SAG: variants seen among roughly 807,000 people sequenced by gnomAD.
SAG encodes S-arrestin.
In SAG, 45 loss-of-function variants were observed where a neutral mutation model predicts 55.0. The observed-to-expected ratio is 0.82, with a 90% CI of 0.64 to 1.05. SAG has a LOEUF of 1.05. Among genes scored for constraint, SAG ranks in the 50% least tolerant of loss-of-function variants. The pLI, the probability that SAG is intolerant of heterozygous loss-of-function variation, is 0.00. For synonymous variants in SAG, 189 were observed against 197.4 expected, an observed-to-expected ratio of 0.96 and a Z score of 0.36; for missense variants, 455 against 512.1, an observed-to-expected ratio of 0.89 and a Z score of 1.08.
At chr2:233,313,739 G>A (rs1204581186) in intron 2 of SAG, among the ~76,000 whole-genome samples, 1 of 66,654 alleles carries the variant, frequency 1.5e-5, no homozygotes, top group African/African-American at 6.0e-5. Context: ...TTTTTTTTTT[G>A]AGAGATGGCA....
chr2:233,334,097 AG>A (rs202064204), intron 10 of SAG: 3,927 of 152,502 alleles, frequency 0.026, 74 homozygotes, highest in Middle Eastern at 0.077. Context: ...GCTGTCAGAG[AG>A]TGTGCAGCCA....
chr2:233,344,277 T>C (rs1275770352), intron 14 of SAG: 1 of 152,202 alleles, frequency 6.6e-6, no homozygotes, highest in Non-Finnish European at 1.5e-5. Flanking sequence ...TTCAAGTGAT[T>C]CTCCTGTCTC....
chr2:233,320,861 C>T lies in SAG; in HGVS notation c.375+38C>T, dbSNP rs766385604. On this transcript the variant is annotated intron_variant, in intron 5 of 15. Coordinates refer to ENST00000409110, the MANE Select transcript of SAG (RefSeq NM_000541.5). ...TCCGGCCAGCCCTGCTTCCTTCACC[C>T]GCAGCACCTTATCATGTGGATGGGG... 3.8e-5 allele frequency: 57 copies of T among 1,515,228 alleles called. 1 individual carries two copies. Among genetic ancestry groups the T allele is most frequent in the African/African-American group, 8.3e-5 (6 of 72,182 alleles). 93.9% of individuals were successfully genotyped at this position (1,515,228 alleles called of 1,614,324 possible).
intron 12 of SAG, among the ~76,000 whole-genome samples, chr2:233,339,052 A>G (rs1280429220): frequency 6.6e-6 from 1 of 152,226 alleles, no homozygotes; most frequent in African/African-American, 2.4e-5. Flanking sequence ...AAGAATGAGG[A>G]TTAGTCAAAT....
chr2:233,314,066 T>C (rs377593746), intron 2 of SAG, among the ~76,000 whole-genome samples: 4 of 151,336 alleles, frequency 2.6e-5, no homozygotes, highest in East Asian at 3.9e-4. Context: ...CAAAAAAATA[T>C]AAAAAATTAG....
chr2:233,313,715 C>CTTTTTTTTTTTTTTTTTT (rs58355307), intron 2 of SAG, among the ~76,000 whole-genome samples: 1 of 78,950 alleles, frequency 1.3e-5, no homozygotes. Context: ...CCGGGCTAAT[C>CTTTTTTTTTTTTTTTTTT]TTTTTTTTTT....
At chr2:233,314,862 G>A (rs931458632) in intron 2 of SAG, among the ~76,000 whole-genome samples, 8 of 152,304 alleles carry the variant, frequency 5.3e-5, no homozygotes, top group African/African-American at 1.2e-4. Flanking sequence ...GATTTAGGCC[G>A]TTCCTGGAAT....
At chr2:233,318,988 C>G (rs1700296844) in intron 4 of SAG, 193 bp downstream of exon 4, 1 of 718,092 alleles carries the variant, frequency 1.4e-6, no homozygotes, top group South Asian at 1.5e-5. Flanking sequence ...CCTGTTGACA[C>G]CAGAGCTCAC....
chr2:233,343,907 C>A, intron 14 of SAG: 2 of 293,548 alleles, frequency 6.8e-6, no homozygotes, highest in Non-Finnish European at 1.0e-5. Context: ...TTTGTCTCAA[C>A]AGTACTTTGT....
intron 6 of SAG, among the ~76,000 whole-genome samples, chr2:233,324,115 G>A (rs1700473446): frequency 6.6e-6 from 1 of 152,154 alleles, no homozygotes; most frequent in African/African-American, 2.4e-5. Context: ...GAAAGGGGGA[G>A]GCCAAGTGCA....
chr2:233,328,626 C>T lies in SAG; in HGVS notation c.648+13C>T. ...TCTCAACAAAGAGGTAACCACCTAC[C>T]ATCGCTACTACCCGCAGGGCAGCAG... On this transcript the variant is annotated intron_variant, in intron 8 of 15. Transcript: ENST00000409110. 6.2e-7 allele frequency: 1 copy of T among 1,602,794 alleles called. No homozygotes were observed. The highest frequency in any genetic ancestry group is 8.5e-7 in the Non-Finnish European group (1 of 1,172,312).
intron 14 of SAG, 147 bp from the exon 15 acceptor site, chr2:233,346,256 G>A: frequency 7.6e-6 from 6 of 788,156 alleles, no homozygotes; most frequent in Non-Finnish European, 1.3e-5. Flanking sequence ...CAGTGATCAT[G>A]AACTGCATGT....
chr2:233,344,021 T>C (rs750498776), intron 14 of SAG: 1 of 153,864 alleles, frequency 6.5e-6, no homozygotes, highest in Non-Finnish European at 1.4e-5. Context: ...TTTCAGTTCA[T>C]TTATGCTTGT....
In SAG at chr2:233,319,499, T is replaced by G; in HGVS notation, c.181+704T>G. The G allele has an allele frequency of 2.6e-6, 2 of 766,500 alleles. No homozygotes were observed. Among genetic ancestry groups the G allele is most frequent in the Non-Finnish European group, 3.2e-6 (2 of 627,514 alleles). 47.5% of individuals were successfully genotyped at this position (766,500 alleles called of 1,614,324 possible). A position where few individuals can be genotyped will look rare whatever the true frequency, so the allele number is the denominator to read the frequency against. On this transcript the variant is annotated intron_variant, in intron 4 of 15. Transcript: ENST00000409110. The surrounding 1 kb of genome is among the most constrained non-coding windows in gnomAD (Gnocchi z 4.4). ...GACTCAGTTCCATTCTAAATATGCC[T>G]TTTTGAGTGTTGCTACTGGCAACAT...
At chr2:233,317,150 C>G (rs1700236051) in intron 3 of SAG, among the ~76,000 whole-genome samples, 1 of 152,238 alleles carries the variant, frequency 6.6e-6, no homozygotes, top group East Asian at 1.9e-4. Flanking sequence ...GCGTGAGCCA[C>G]TGCACCCAGC....
rs778018394 is a variant in SAG at position 233,331,603 on chromosome 2, C to T, written c.734-37C>T. On this transcript the variant is annotated intron_variant, in intron 9 of 15. Coordinates refer to ENST00000409110, the MANE Select transcript of SAG (RefSeq NM_000541.5). ...AGGGAAAGTGCACGTGTTGGGGGAC[C>T]AGTGCTGACCACCGGACTCCCGTCT... is the stretch of plus-strand genomic sequence containing the variant. The T allele has an allele frequency of 8.6e-6, 12 of 1,388,676 alleles. No individual in the cohort carries two copies. The African/African-American group carries it at 1.7e-4, about 20-fold the overall frequency. 86.0% of individuals were successfully genotyped at this position (1,388,676 alleles called of 1,614,324 possible). A position where few individuals can be genotyped will look rare whatever the true frequency, so the allele number is the denominator to read the frequency against.
At chr2:233,324,247 C>T (rs536623587) in intron 6 of SAG, among the ~76,000 whole-genome samples, 57 of 152,120 alleles carry the variant, frequency 3.7e-4, no homozygotes, top group Non-Finnish European at 5.4e-4. Context: ...CAAATATTAG[C>T]CAGGATTGGT....
At chr2:233,309,107 AT>A in intron 1 of SAG, 54 bp from the exon 2 acceptor site, 1 of 1,047,780 alleles carries the variant, frequency 9.5e-7, no homozygotes, top group Non-Finnish European at 1.4e-6. Flanking sequence ...TTGACTTGAT[AT>A]TTAGGATTGT....
At chr2:233,342,123 C>A (rs1280483595) in intron 13 of SAG, 148 bp from the exon 14 acceptor site, 217 of 465,614 alleles carry the variant, frequency 4.7e-4, no homozygotes, top group Admixed American at 1.0e-3. Context: ...GACTCCATCT[C>A]AAAAAAAAAA....
Sources: gnomAD v4.1 joint callset for allele counts (sites outside exome capture counted in the v4.1 genomes callset) on GRCh38, gnomAD v4.1.1 for gene constraint, Gnocchi (gnomAD v3.1) non-coding constraint, MANE v1.5 for transcripts, NCBI Gene and HGNC (gene_info 2026-07-23, HGNC 2026-07-21) for gene names.